The following HACD2 variants were observed in gnomAD, a reference collection of about 807,000 sequenced individuals.
HACD2 encodes very-long-chain (3R)-3-hydroxyacyl-CoA dehydratase 2.
Under a neutral mutation model 31.0 loss-of-function variants are expected in HACD2, and 15 were observed. That is an observed-to-expected ratio of 0.48 (90% confidence interval 0.32 to 0.75). HACD2 has a LOEUF of 0.75. Among genes scored for constraint, HACD2 ranks in the 30% least tolerant of loss-of-function variants. The pLI, the probability that HACD2 is intolerant of heterozygous loss-of-function variation, is 0.03. For synonymous variants in HACD2, 115 were observed against 122.2 expected, an observed-to-expected ratio of 0.94 and a Z score of 0.39; for missense variants, 283 against 313.0, an observed-to-expected ratio of 0.90 and a Z score of 0.72.
chr3:123,575,499 G>A (rs180931682), intron 2 of HACD2, among the ~76,000 whole-genome samples: 16 of 152,274 alleles, frequency 1.1e-4, no homozygotes, highest in Non-Finnish European at 1.9e-4. Context: ...TTTGGACAGC[G>A]TTCCAACGTT....
chr3:123,557,023 A>G (rs902121788), intron 3 of HACD2, among the ~76,000 whole-genome samples: 3 of 152,258 alleles, frequency 2.0e-5, no homozygotes, highest in South Asian at 2.1e-4. Flanking sequence ...AGACCAGGAG[A>G]AAATATTTGC....
intron 4 of HACD2, 22 bp from the exon 5 acceptor site, chr3:123,502,703 AG>A (rs1350689883): frequency 6.3e-7 from 1 of 1,580,264 alleles, no homozygotes; most frequent in Admixed American, 1.8e-5. Context: ...GGAAAACAAA[AG>A]AAAAAAAACA....
At chr3:123,558,950 T>G (rs1418504110) in intron 3 of HACD2, among the ~76,000 whole-genome samples, 8 of 152,196 alleles carry the variant, frequency 5.3e-5, no homozygotes, top group Admixed American at 5.2e-4. Context: ...GCACCCATTT[T>G]CATCAAGCAA....
intron 4 of HACD2, among the ~76,000 whole-genome samples, chr3:123,521,421 G>A (rs1043331164): frequency 6.6e-6 from 1 of 152,118 alleles, no homozygotes; most frequent in Non-Finnish European, 1.5e-5. Flanking sequence ...GGGAACCTCA[G>A]GACCGTAGGA....
Position 123,509,863 on chromosome 3 carries a change from G to A in HACD2, c.382-7182C>T, listed in dbSNP as rs140409502. Among the ~76,000 whole-genome samples, 1,120 of 151,774 alleles carry A rather than the reference G, an allele frequency of 7.4e-3. 13 individuals carry two copies. Among genetic ancestry groups the A allele is most frequent in the African/African-American group, 0.023 (931 of 41,170 alleles). The stretch of plus-strand genomic sequence containing the variant: ...TCTCTGACAGATTGTGTGGGGAGGC[G>A]GGGAGAAGGGAGTCAATGTCTATCA... On this transcript the variant is annotated intron_variant, in intron 4 of 6. Coordinates refer to ENST00000383657, the MANE Select transcript of HACD2 (RefSeq NM_198402.5).
At chr3:123,541,200 G>A (rs1036944110) in intron 3 of HACD2, among the ~76,000 whole-genome samples, 4 of 152,138 alleles carry the variant, frequency 2.6e-5, no homozygotes, top group Non-Finnish European at 5.9e-5. Flanking sequence ...GAGCCTGAGA[G>A]GCGGAGGTTG....
In HACD2 at chr3:123,494,945, C is replaced by T; in HGVS notation, c.708G>A (p.Met236Ile). Residue 236 changes from methionine (M) to isoleucine (I), a missense_variant, in exon 7 of 7, where the codon ATG becomes ATA. This residue lies in a region of HACD2 where 40 missense variants were observed against 35.1 expected (regional missense o/e 1.14). Coordinates refer to ENST00000383657, the MANE Select transcript of HACD2 (RefSeq NM_198402.5). ...AAAGGATCTTTCTTCTCTGGTGTATCATGTGGAAGTATAACTGGGGAAAAA... is the reference window on the plus strand; with the variant it reads ...AAAGGATCTTTCTTCTCTGGTGTATTATGTGGAAGTATAACTGGGGAAAAA... ...IPIFPQLYFH[M>I]IHQRRKILSH... 1 of 1,558,940 alleles carries T rather than the reference C, an allele frequency of 6.4e-7. No homozygotes were observed. Among genetic ancestry groups the T allele is most frequent in the Non-Finnish European group, 8.7e-7 (1 of 1,150,272 alleles).
intron 4 of HACD2, among the ~76,000 whole-genome samples, chr3:123,515,201 C>A (rs922001901): frequency 6.6e-6 from 1 of 152,106 alleles, no homozygotes; most frequent in Non-Finnish European, 1.5e-5. Flanking sequence ...CTCAACTGGG[C>A]AACTGAGGGA....
chr3:123,555,952 T>C (rs1033844406), intron 3 of HACD2, among the ~76,000 whole-genome samples: 2 of 152,126 alleles, frequency 1.3e-5, no homozygotes, highest in Admixed American at 6.5e-5. Flanking sequence ...GGAGAAAGAA[T>C]AGACTTTTCA....
At chr3:123,571,267 A>G (rs571373219) in intron 2 of HACD2, among the ~76,000 whole-genome samples, 111 of 152,358 alleles carry the variant, frequency 7.3e-4, no homozygotes, top group Non-Finnish European at 1.1e-3. Flanking sequence ...GCGATCCCCC[A>G]CAATTACTGT....
chr3:123,552,090 G>C (rs760623711), intron 3 of HACD2, among the ~76,000 whole-genome samples: 1 of 152,174 alleles, frequency 6.6e-6, no homozygotes, highest in Non-Finnish European at 1.5e-5. Context: ...TGGCATGGAA[G>C]AGAGAAGAGC....
intron 4 of HACD2, among the ~76,000 whole-genome samples, chr3:123,503,066 C>A (rs548012583): frequency 2.6e-5 from 4 of 152,046 alleles, no homozygotes; most frequent in Non-Finnish European, 5.9e-5. Flanking sequence ...GAGTTTGAGA[C>A]CAGCCTGGCC....
At chr3:123,503,934 A>C (rs1230136893) in intron 4 of HACD2, among the ~76,000 whole-genome samples, 3 of 152,238 alleles carry the variant, frequency 2.0e-5, no homozygotes, top group Non-Finnish European at 4.4e-5. Context: ...GGAGCGGTCC[A>C]CCTACACAAT....
At chr3:123,559,750 C>T (rs60874348) in intron 3 of HACD2, among the ~76,000 whole-genome samples, 3,186 of 152,306 alleles carry the variant, frequency 0.021, 99 homozygotes, top group African/African-American at 0.072. Context: ...TTAGTTGTTC[C>T]TGCAGGGACA....
At chr3:123,498,002 A>T (rs2055855342) in intron 6 of HACD2, among the ~76,000 whole-genome samples, 1 of 152,260 alleles carries the variant, frequency 6.6e-6, no homozygotes, top group Non-Finnish European at 1.5e-5. Context: ...CTTCTGATAA[A>T]TACAAAGCTT....
chr3:123,534,029 A>AGT (rs62840760), intron 3 of HACD2, among the ~76,000 whole-genome samples: 89,412 of 149,836 alleles, frequency 0.6, 29,379 homozygotes, highest in East Asian at 0.91. Flanking sequence ...AACATAGTGG[A>AGT]GTGTGTGTGT....
intron 2 of HACD2, among the ~76,000 whole-genome samples, chr3:123,574,872 C>T (rs770678030): frequency 1.3e-4 from 20 of 152,112 alleles, no homozygotes; most frequent in Non-Finnish European, 2.4e-4. Context: ...AATCTGAAAA[C>T]ATCAGCATAT....
intron 1 of HACD2, among the ~76,000 whole-genome samples, chr3:123,582,682 C>A (rs561388468): frequency 6.6e-6 from 1 of 152,010 alleles, no homozygotes; most frequent in African/African-American, 2.4e-5. Flanking sequence ...GAGAAAAAAA[C>A]AGTTAAAGGA....
At chr3:123,551,383 C>T (rs1158847238) in intron 3 of HACD2, among the ~76,000 whole-genome samples, 1 of 151,988 alleles carries the variant, frequency 6.6e-6, no homozygotes, top group Non-Finnish European at 1.5e-5. Context: ...CTTTGGGAGG[C>T]CAAGGTGGGT....
Sources: gnomAD v4.1 joint callset for allele counts (sites outside exome capture counted in the v4.1 genomes callset) on GRCh38, gnomAD v4.1.1 for gene constraint, gnomAD v4.1.1 regional missense constraint, MANE v1.5 for transcripts, NCBI Gene and HGNC (gene_info 2026-07-23, HGNC 2026-07-21) for gene names.